The following BMPR1B variants were observed in gnomAD, a reference collection of about 807,000 sequenced individuals.
BMPR1B encodes the protein bone morphogenetic protein receptor type 1B.
BMPR1B carries 12 observed loss-of-function variants against 59.1 expected under a neutral mutation model. The observed-to-expected ratio is 0.20, with a 90% CI of 0.13 to 0.33. The LOEUF is 0.33. Ranked by LOEUF, BMPR1B falls within the 10% of genes least tolerant of loss-of-function variation. The pLI, the probability that BMPR1B is intolerant of heterozygous loss-of-function variation, is 1.00. For missense variants in BMPR1B, 550 were observed against 610.9 expected, an observed-to-expected ratio of 0.90 and a Z score of 1.05; for synonymous variants, 237 against 207.3, an observed-to-expected ratio of 1.14 and a Z score of -1.23.
chr4:94,867,355 A>G (rs1262150010), intron 1 of BMPR1B, among the ~76,000 whole-genome samples: 1 of 152,164 alleles, frequency 6.6e-6, no homozygotes, highest in Admixed American at 6.5e-5. Flanking sequence ...AATCTCATCA[A>G]GCTTGGTTCT....
chr4:95,157,237 C>G lies in BMPR1B; in HGVS notation c.*2564C>G, dbSNP rs1169382346. On this transcript the variant is annotated 3_prime_UTR_variant, in exon 13 of 13. Transcript: ENST00000515059. ...ATATTTTAAAAACATTCCTGAGATA[C>G]TTAAAAAGACCCACTTAGCGATTAT... 1 of 152,060 alleles carries G rather than the reference C, an allele frequency of 6.6e-6. No homozygotes were observed. The highest frequency in any genetic ancestry group is 6.5e-5 in the Admixed American group (1 of 15,274). The allele number at this position is 152,060 out of a possible 1,614,324, so 9.4% of individuals were successfully genotyped here.
intron 1 of BMPR1B, among the ~76,000 whole-genome samples, chr4:94,817,029 G>C (rs1345432015): frequency 6.6e-6 from 1 of 152,046 alleles, no homozygotes; most frequent in Non-Finnish European, 1.5e-5. Context: ...AGACTTGAGA[G>C]ACTTGATTCA....
chr4:94,775,442 C>A (rs4425388), intron 1 of BMPR1B, among the ~76,000 whole-genome samples: 47,857 of 152,260 alleles, frequency 0.31, 8,267 homozygotes, highest in African/African-American at 0.46. Context: ...ATTTCAAAAA[C>A]GAAGCTCTTT....
chr4:94,820,285 C>A (rs903840519), intron 1 of BMPR1B, among the ~76,000 whole-genome samples: 1 of 152,158 alleles, frequency 6.6e-6, no homozygotes, highest in African/African-American at 2.4e-5. Context: ...CCCCTAGAAT[C>A]AGTTATTATT....
intron 3 of BMPR1B, among the ~76,000 whole-genome samples, chr4:95,024,874 G>A (rs763914504): frequency 3.3e-5 from 5 of 152,094 alleles, no homozygotes; most frequent in Non-Finnish European, 7.4e-5. Flanking sequence ...AGGCCGAGGC[G>A]GGCAGATCAT....
At chr4:95,063,536 A>G (rs1192135231) in intron 3 of BMPR1B, among the ~76,000 whole-genome samples, 1 of 152,190 alleles carries the variant, frequency 6.6e-6, no homozygotes, top group Non-Finnish European at 1.5e-5. Context: ...TACATTTTAG[A>G]TTGAAATCAA....
intron 2 of BMPR1B, among the ~76,000 whole-genome samples, chr4:94,904,917 G>A (rs1316192025): frequency 6.6e-6 from 1 of 151,952 alleles, no homozygotes; most frequent in African/African-American, 2.4e-5. Context: ...AATAAAAGCA[G>A]TATTTTATGA....
At chr4:94,946,817 G>A (rs1177208329) in intron 2 of BMPR1B, among the ~76,000 whole-genome samples, 6 of 152,020 alleles carry the variant, frequency 3.9e-5, no homozygotes, top group African/African-American at 1.2e-4. Context: ...TTGGGAGGCC[G>A]AGGCGGTTGG....
At chr4:95,006,300 T>G (rs2149116473) in intron 3 of BMPR1B, among the ~76,000 whole-genome samples, 1 of 150,970 alleles carries the variant, frequency 6.6e-6, no homozygotes, top group Admixed American at 6.6e-5. Context: ...ATCCTAGCAT[T>G]TTGGGAGGCT....
chr4:94,950,694 C>G (rs1560563741), intron 2 of BMPR1B, among the ~76,000 whole-genome samples: 2 of 152,102 alleles, frequency 1.3e-5, no homozygotes, highest in African/African-American at 4.8e-5. Context: ...ATTACTACAG[C>G]CCTGTAGTAT....
chr4:94,817,574 A>G (rs1278666761), intron 1 of BMPR1B, among the ~76,000 whole-genome samples: 1 of 151,602 alleles, frequency 6.6e-6, no homozygotes, highest in Non-Finnish European at 1.5e-5. Context: ...CGTAGGTGGG[A>G]CTGATAATTA....
intron 2 of BMPR1B, among the ~76,000 whole-genome samples, chr4:94,917,343 C>T (rs910432402): frequency 2.6e-5 from 4 of 152,186 alleles, no homozygotes; most frequent in African/African-American, 4.8e-5. Context: ...CTGGAAAAGC[C>T]AGAGGCATTT....
rs539799938 is a variant in BMPR1B at position 95,029,467 on chromosome 4, T to A, written c.-18+33333T>A. 2.7e-3 allele frequency among the ~76,000 whole-genome samples: 417 copies of A among 152,310 alleles called. 1 individual carries two copies. The highest frequency in any genetic ancestry group is 9.7e-3 in the African/African-American group (403 of 41,576). On this transcript the variant is annotated intron_variant, in intron 3 of 12. Transcript: ENST00000515059. Reference sequence around the variant, plus strand: ...GCTGCATAGTATTCCATCGTGTATATGTGCCACATTTTCTTAATCCAGTCT... The same window carrying A: ...GCTGCATAGTATTCCATCGTGTATAAGTGCCACATTTTCTTAATCCAGTCT...
chr4:94,930,591 A>G (rs1220271141), intron 2 of BMPR1B, among the ~76,000 whole-genome samples: 1 of 152,104 alleles, frequency 6.6e-6, no homozygotes, highest in African/African-American at 2.4e-5. Context: ...TGTTGAATGG[A>G]TTAATGAATA....
At chr4:94,828,877 G>C (rs1031680475) in intron 1 of BMPR1B, among the ~76,000 whole-genome samples, 1 of 151,878 alleles carries the variant, frequency 6.6e-6, no homozygotes, top group Non-Finnish European at 1.5e-5. Context: ...AAAAAATAAA[G>C]AGCTAATCAT....
At chr4:95,038,360 C>T (rs1725414281) in intron 3 of BMPR1B, among the ~76,000 whole-genome samples, 1 of 152,168 alleles carries the variant, frequency 6.6e-6, no homozygotes, top group African/African-American at 2.4e-5. Context: ...GGATTGGCAA[C>T]TCTCTTATAT....
At chr4:95,025,600 C>G (rs1441841850) in intron 3 of BMPR1B, among the ~76,000 whole-genome samples, 1 of 152,162 alleles carries the variant, frequency 6.6e-6, no homozygotes, top group African/African-American at 2.4e-5. Flanking sequence ...GTTTCATAGT[C>G]TTCTTGATCT....
chr4:94,952,013 C>A (rs1290932940), intron 2 of BMPR1B, among the ~76,000 whole-genome samples: 1 of 152,072 alleles, frequency 6.6e-6, no homozygotes, highest in East Asian at 1.9e-4. Flanking sequence ...GGAATGTATC[C>A]ATTTCTTCCT....
chr4:95,045,110 C>A (rs928558644), intron 3 of BMPR1B, among the ~76,000 whole-genome samples: 1 of 152,056 alleles, frequency 6.6e-6, no homozygotes, highest in Admixed American at 6.6e-5. Flanking sequence ...TGTGTTGGAA[C>A]AGAAGTTTAA....
Sources: gnomAD v4.1 joint callset for allele counts (sites outside exome capture counted in the v4.1 genomes callset) on GRCh38, gnomAD v4.1.1 for gene constraint, MANE v1.5 for transcripts, NCBI Gene and HGNC (gene_info 2026-07-23, HGNC 2026-07-21) for gene names.